MTMR8: variants seen among roughly 807,000 people sequenced by gnomAD.
MTMR8 encodes phosphatidylinositol-3,5-bisphosphate 3-phosphatase MTMR8.
MTMR8 carries 65 observed loss-of-function variants against 39.3 expected under a neutral mutation model. That is an observed-to-expected ratio of 1.65 (90% CI 1.35 to 2.03). The LOEUF (loss-of-function observed/expected upper bound fraction) is 2.03. Among genes scored for constraint, MTMR8 ranks in the 30% most tolerant of loss-of-function variants. MTMR8 has a pLI of 0.00. For missense variants in MTMR8, 777 were observed against 538.9 expected (o/e 1.44, Z -4.37); for synonymous variants, 245 against 185.2 (o/e 1.32, Z -2.62).
intron 6 of MTMR8, among the ~76,000 whole-genome samples, chrX:64,346,634 C>G (rs1198842056): frequency 9.1e-6 from 1 of 109,992 alleles, no homozygotes; most frequent in Non-Finnish European, 1.9e-5. Flanking sequence ...CCAGTATTCA[C>G]TCTTTAAAAA....
At chrX:64,320,431 C>G (rs995247630) in intron 12 of MTMR8, among the ~76,000 whole-genome samples, 26 of 110,722 alleles carry the variant, frequency 2.3e-4, no homozygotes, top group African/African-American at 8.6e-4. Context: ...TCTCAGAAAA[C>G]TATGGTTATA....
At chrX:64,310,978 T>C in intron 12 of MTMR8, among the ~76,000 whole-genome samples, 1 of 111,993 alleles carries the variant, frequency 8.9e-6, no homozygotes, top group Non-Finnish European at 1.9e-5. Flanking sequence ...CATGTGTCTT[T>C]ATAGTAGCAT....
At chrX:64,301,550 A>G (rs1396382737) in intron 12 of MTMR8, among the ~76,000 whole-genome samples, 4 of 111,096 alleles carry the variant, frequency 3.6e-5, no homozygotes, top group Non-Finnish European at 7.6e-5. Context: ...GAGTAATTTG[A>G]TCATCTGAAG....
chrX:64,360,273 T>A, intron 1 of MTMR8: 1 of 175,088 alleles, frequency 5.7e-6, no homozygotes, highest in South Asian at 8.7e-5. Context: ...AATATAAACA[T>A]ATTGTATAAT....
intron 8 of MTMR8, among the ~76,000 whole-genome samples, chrX:64,338,897 T>G (rs1602137964): frequency 8.9e-6 from 1 of 111,763 alleles, no homozygotes; most frequent in African/African-American, 3.2e-5. Context: ...AACTCTGAAA[T>G]GTGTGGTTTA....
intron 10 of MTMR8, 132 bp downstream of exon 10, chrX:64,335,947 T>C: frequency 2.3e-6 from 1 of 440,565 alleles, no homozygotes; most frequent in Non-Finnish European, 3.8e-6. Flanking sequence ...AATACTTGTT[T>C]CTTGATGAAA....
intron 12 of MTMR8, among the ~76,000 whole-genome samples, chrX:64,322,205 C>T (rs1199409933): frequency 9.1e-6 from 1 of 109,464 alleles, no homozygotes; most frequent in East Asian, 2.9e-4. Context: ...ACTATGTTGC[C>T]CAGACTGGTC....
chrX:64,393,695 G>T (rs1411773837), intron 1 of MTMR8, among the ~76,000 whole-genome samples: 1 of 111,600 alleles, frequency 9.0e-6, no homozygotes, highest in African/African-American at 3.3e-5. Context: ...GGAAACAAAG[G>T]GACACAGAAA....
chrX:64,367,025 C>T (rs1447890902), intron 1 of MTMR8, among the ~76,000 whole-genome samples: 1 of 111,652 alleles, frequency 9.0e-6, no homozygotes, highest in East Asian at 2.8e-4. Flanking sequence ...GGAAAAATTC[C>T]TGGGCACATA....
At chrX:64,333,400 A>T (rs1182712431) in intron 10 of MTMR8, among the ~76,000 whole-genome samples, 1 of 111,721 alleles carries the variant, frequency 9.0e-6, no homozygotes, top group African/African-American at 3.3e-5. Context: ...TAATATTCAC[A>T]TATAGCACCT....
chrX:64,388,810 G>C (rs2147249611), intron 1 of MTMR8, among the ~76,000 whole-genome samples: 1 of 112,396 alleles, frequency 8.9e-6, no homozygotes, highest in Admixed American at 9.4e-5. Flanking sequence ...GGGCTTCTCG[G>C]AGCCTTTAAT....
At position 64,276,652 on chromosome X, in the gene MTMR8, T is replaced by C. The variant is rs187933853; in HGVS notation, c.1482-5579A>G. On this transcript the variant is annotated intron_variant, in intron 12 of 13. Transcript: ENST00000374852. Reference sequence around the variant, plus strand: ...GCACTGTGGTCTGAGACACTGTTTGTTATGATTTCCATTCTTTTGTATTTG... The same window carrying C: ...GCACTGTGGTCTGAGACACTGTTTGCTATGATTTCCATTCTTTTGTATTTG... Among the ~76,000 whole-genome samples, 6 of 111,914 alleles carry C rather than the reference T, an allele frequency of 5.4e-5. No homozygotes were observed. The East Asian group carries it at 1.4e-3, about 26-fold the overall frequency.
rs751448688 is a variant in MTMR8 at position 64,290,966 on chromosome X, A to G, written c.1482-19893T>C. Among the ~76,000 whole-genome samples the G allele has an allele frequency of 2.7e-5, 3 of 111,978 alleles. No homozygotes were observed. In the Admixed American group the frequency reaches 2.8e-4, roughly 11 times the overall value. Reference sequence around the variant, plus strand: ...ACAGAAAGTTTGATTTTTTTCTGGCATATATGGCCAAGAGTACAATTTGTA... The same window carrying G: ...ACAGAAAGTTTGATTTTTTTCTGGCGTATATGGCCAAGAGTACAATTTGTA... On this transcript the variant is annotated intron_variant, in intron 12 of 13. Transcript: ENST00000374852.
chrX:64,366,171 C>T (rs1018238051), intron 1 of MTMR8, among the ~76,000 whole-genome samples: 1 of 110,969 alleles, frequency 9.0e-6, no homozygotes, highest in South Asian at 3.9e-4. Flanking sequence ...ACTTTAACAC[C>T]CTACTGTCAC....
intron 1 of MTMR8, among the ~76,000 whole-genome samples, chrX:64,370,139 G>C (rs1173640122): frequency 9.0e-6 from 1 of 110,673 alleles, no homozygotes; most frequent in Non-Finnish European, 1.9e-5. Context: ...GAATTGAGGA[G>C]CACATTATGA....
chrX:64,302,970 G>T (rs1327888088), intron 12 of MTMR8, among the ~76,000 whole-genome samples: 1 of 112,405 alleles, frequency 8.9e-6, no homozygotes, highest in Non-Finnish European at 1.9e-5. Flanking sequence ...ATACCAGAGA[G>T]TCTGGATGGC....
At chrX:64,327,016 A>T (rs1922815355) in intron 12 of MTMR8, among the ~76,000 whole-genome samples, 1 of 111,604 alleles carries the variant, frequency 9.0e-6, no homozygotes, top group Non-Finnish European at 1.9e-5. Flanking sequence ...ATCTCTCATC[A>T]CATATAAAAA....
At chrX:64,382,092 T>A (rs1198071500) in intron 1 of MTMR8, among the ~76,000 whole-genome samples, 1 of 111,715 alleles carries the variant, frequency 9.0e-6, no homozygotes, top group African/African-American at 3.3e-5. Flanking sequence ...TGTGGGCTCT[T>A]TTTTGGTTCC....
intron 12 of MTMR8, among the ~76,000 whole-genome samples, chrX:64,300,338 C>T (rs371680229): frequency 4.2e-4 from 47 of 111,610 alleles, no homozygotes; most frequent in East Asian, 3.6e-3. Flanking sequence ...TATGTAATGG[C>T]CTTGTCTCTT....
Sources: allele counts gnomAD v4.1 joint callset (sites outside exome capture counted in the v4.1 genomes callset), GRCh38; gene constraint gnomAD v4.1.1; transcripts MANE v1.5; gene names NCBI Gene and HGNC (gene_info 2026-07-23, HGNC 2026-07-21).